Variants in GSDME observed in about 807,000 individuals in gnomAD.
GSDME encodes gasdermin E, also known as gasdermin-E.
Under a neutral mutation model 47.5 loss-of-function variants are expected in GSDME, and 44 were observed. The observed-to-expected ratio is 0.93, with a 90% confidence interval of 0.73 to 1.19. The LOEUF (loss-of-function observed/expected upper bound fraction) is 1.19, where lower values mean the gene tolerates loss of function less well. Among genes scored for constraint, GSDME ranks in the 50% most tolerant of loss-of-function variants. GSDME has a pLI of 0.00. For synonymous variants in GSDME, 258 were observed against 252.8 expected (o/e 1.02, Z -0.20); for missense variants, 663 against 604.2 (o/e 1.10, Z -1.02).
At chr7:24,761,560 T>A (rs541280249), upstream of GSDME, among the ~76,000 whole-genome samples, 5 of 152,358 alleles carry the variant, frequency 3.3e-5, no homozygotes, top group South Asian at 1.0e-3. The surrounding 1 kb of genome is among the most constrained non-coding windows in gnomAD (Gnocchi z 4.4). Context: ...CTCCTGAAAC[T>A]ATCACATTGG....
intron 3 of GSDME, among the ~76,000 whole-genome samples, chr7:24,720,467 A>AT (rs1280665389): frequency 6.6e-6 from 1 of 152,212 alleles, no homozygotes; most frequent in East Asian, 1.9e-4. Flanking sequence ...TGGGCTTCAG[A>AT]AAGTAGCCCT....
chr7:24,751,283 C>T (rs1562717099), intron 1 of GSDME, among the ~76,000 whole-genome samples: 1 of 152,180 alleles, frequency 6.6e-6, no homozygotes, highest in Admixed American at 6.5e-5. Flanking sequence ...TTACCACATA[C>T]AAAAAGAAGA....
In GSDME at chr7:24,714,942, A is replaced by G. The variant is rs1300780600; in HGVS notation, c.697+2312T>C. 6.6e-6 allele frequency among the ~76,000 whole-genome samples: 1 copy of G among 152,262 alleles called. No homozygotes were observed. Among genetic ancestry groups the G allele is most frequent in the African/African-American group, 2.4e-5 (1 of 41,472 alleles). On this transcript the variant is annotated intron_variant, in intron 5 of 9. Coordinates refer to ENST00000645220, the MANE Select transcript of GSDME (RefSeq NM_001127453.2). This position sits in a 1 kb window ranked among gnomAD's most constrained non-coding sequence, Gnocchi z 5.0. Reference sequence around the variant, plus strand: ...AAGTGACGCATCCTTCACTACAGCCAAGATACGGAAATAATGTAACTGTCT... The same window carrying G: ...AAGTGACGCATCCTTCACTACAGCCGAGATACGGAAATAATGTAACTGTCT...
intron 9 of GSDME, among the ~76,000 whole-genome samples, chr7:24,701,234 G>A (rs1044463668): frequency 6.6e-6 from 1 of 152,206 alleles, no homozygotes; most frequent in African/African-American, 2.4e-5. Context: ...CAAATCTGAG[G>A]GGAGGTATGT....
At chr7:24,706,834 C>G (rs958152902) in intron 7 of GSDME, among the ~76,000 whole-genome samples, 4 of 152,220 alleles carry the variant, frequency 2.6e-5, no homozygotes, top group Admixed American at 6.5e-5. Flanking sequence ...GCTGGAGAGC[C>G]AGTTCGGACC....
the GSDME span, among the ~76,000 whole-genome samples, chr7:24,772,450 G>GT: frequency 3.9e-5 from 6 of 152,316 alleles, no homozygotes; most frequent in South Asian, 1.2e-3. This position sits in a 1 kb window ranked among gnomAD's most constrained non-coding sequence, Gnocchi z 4.5. Context: ...TCCATAAAGG[G>GT]TAGAGTCATG....
upstream of GSDME, among the ~76,000 whole-genome samples, chr7:24,761,686 A>G (rs1055764047): frequency 1.3e-5 from 2 of 152,232 alleles, no homozygotes; most frequent in Admixed American, 6.5e-5. The surrounding 1 kb of genome is among the most constrained non-coding windows in gnomAD (Gnocchi z 4.4). Context: ...AGGGTTATCA[A>G]CCAGAGCCCT....
rs532153839 is a variant in GSDME at position 24,736,026 on chromosome 7, C to A, written c.404+8536G>T. On this transcript the variant is annotated intron_variant, in intron 3 of 9. Coordinates refer to ENST00000645220, the MANE Select transcript of GSDME (RefSeq NM_001127453.2). This position sits in a 1 kb window ranked among gnomAD's most constrained non-coding sequence, Gnocchi z 4.6. Reference sequence around the variant, plus strand: ...ATGGTAACCTCAAATAAAAAACTTACAACAGATACACAAAAAATAGAAAGC... The same window carrying A: ...ATGGTAACCTCAAATAAAAAACTTAAAACAGATACACAAAAAATAGAAAGC... Among the ~76,000 whole-genome samples, 1 of 151,812 alleles carries A rather than the reference C, an allele frequency of 6.6e-6. No homozygotes were observed. The highest frequency in any genetic ancestry group is 2.4e-5 in the African/African-American group (1 of 41,348).
At chr7:24,763,972 C>CTTA in the GSDME span, among the ~76,000 whole-genome samples, 1 of 152,126 alleles carries the variant, frequency 6.6e-6, no homozygotes, top group Non-Finnish European at 1.5e-5. The surrounding 1 kb of genome is among the most constrained non-coding windows in gnomAD (Gnocchi z 4.3). Context: ...TTTTTTAAAA[C>CTTA]GAGCCGTTCT....
At chr7:24,729,541 G>A (rs969157246) in intron 3 of GSDME, among the ~76,000 whole-genome samples, 1 of 152,212 alleles carries the variant, frequency 6.6e-6, no homozygotes, top group African/African-American at 2.4e-5. Context: ...GGCTCCTGAA[G>A]GAAGTGGGGT....
At chr7:24,780,857 TC>T in the GSDME span, among the ~76,000 whole-genome samples, 1 of 152,152 alleles carries the variant, frequency 6.6e-6, no homozygotes, top group Non-Finnish European at 1.5e-5. The surrounding 1 kb of genome is among the most constrained non-coding windows in gnomAD (Gnocchi z 4.1). Context: ...TGTATAAGAA[TC>T]ACCCAATTCC....
chr7:24,735,772 TAAATAAATA>T lies in GSDME; in HGVS notation c.404+8781_404+8789del, dbSNP rs1053160664. Among the ~76,000 whole-genome samples the T allele has an allele frequency of 2.8e-5, 3 of 106,132 alleles. No homozygotes were observed. Among genetic ancestry groups the T allele is most frequent in the Non-Finnish European group, 4.0e-5 (2 of 49,938 alleles). 69.6% of individuals were successfully genotyped at this position (106,132 alleles called of 152,430 possible). A position where few individuals can be genotyped will look rare whatever the true frequency, so the allele number is the denominator to read the frequency against. ...AAACTCTATCTCAAAAATAAATAAA[TAAATAAATA>T]AATAAATAAATAAATAAATAAATAA... On this transcript the variant is annotated intron_variant, in intron 3 of 9. Transcript: ENST00000645220. The surrounding 1 kb of genome is among the most constrained non-coding windows in gnomAD (Gnocchi z 4.4).
upstream of GSDME, among the ~76,000 whole-genome samples, chr7:24,760,953 A>G (rs981871273): frequency 6.6e-6 from 1 of 152,272 alleles, no homozygotes; most frequent in Non-Finnish European, 1.5e-5. This position sits in a 1 kb window ranked among gnomAD's most constrained non-coding sequence, Gnocchi z 4.2. Flanking sequence ...GCAGCTAGCA[A>G]ATGATCAACC....
At chr7:24,741,169 C>G (rs1353580830) in intron 3 of GSDME, among the ~76,000 whole-genome samples, 4 of 152,100 alleles carry the variant, frequency 2.6e-5, no homozygotes, top group African/African-American at 9.7e-5. Flanking sequence ...TTACCAGACC[C>G]TAGGAAATTA....
chr7:24,755,487 T>C (rs1211656215), intron 1 of GSDME, among the ~76,000 whole-genome samples: 1 of 152,224 alleles, frequency 6.6e-6, no homozygotes, highest in Non-Finnish European at 1.5e-5. Flanking sequence ...CCAAATCACC[T>C]ACTACATGCC....
At chr7:24,747,752 C>T (rs1014365071) in intron 2 of GSDME, among the ~76,000 whole-genome samples, 2 of 152,104 alleles carry the variant, frequency 1.3e-5, no homozygotes, top group Admixed American at 6.5e-5. Context: ...ACTTCAGCCT[C>T]AACCCCCTGG....
intron 3 of GSDME, among the ~76,000 whole-genome samples, chr7:24,729,713 G>A (rs900315485): frequency 1.3e-5 from 2 of 152,208 alleles, no homozygotes; most frequent in Non-Finnish European, 2.9e-5. Context: ...TTAGCTCAGC[G>A]ACTGACCTGG....
intron 1 of GSDME, among the ~76,000 whole-genome samples, chr7:24,750,138 A>C (rs1790809758): frequency 6.6e-6 from 1 of 152,218 alleles, no homozygotes; most frequent in African/African-American, 2.4e-5. Context: ...TCCAGACTGA[A>C]GGGAAAGCCA....
intron 2 of GSDME, among the ~76,000 whole-genome samples, chr7:24,748,887 C>T (rs1309676960): frequency 6.6e-6 from 1 of 152,140 alleles, no homozygotes; most frequent in African/African-American, 2.4e-5. Flanking sequence ...GTCCTGCTTT[C>T]CCCAGAAAGC....
Sources: allele counts gnomAD v4.1 joint callset (sites outside exome capture counted in the v4.1 genomes callset), GRCh38; gene constraint gnomAD v4.1.1; non-coding constraint Gnocchi (gnomAD v3.1); transcripts MANE v1.5; gene names NCBI Gene and HGNC (gene_info 2026-07-23, HGNC 2026-07-21).